Variants in ROBO2 observed in about 807,000 individuals in gnomAD.
The protein encoded by ROBO2 is roundabout guidance receptor 2.
Under a neutral mutation model 160.8 loss-of-function variants are expected in ROBO2, and 53 were observed. The ratio of observed to expected loss-of-function variants is 0.33; its 90% CI spans 0.26 to 0.41. ROBO2 has a LOEUF of 0.41. Ranked by LOEUF, ROBO2 falls within the 10% of genes least tolerant of loss-of-function variation. The pLI is 1.00. For synonymous variants in ROBO2, 664 were observed against 611.7 expected (o/e 1.09, Z -1.26); for missense variants, 1,577 against 1,722.4 (o/e 0.92, Z 1.49).
intron 2 of ROBO2, among the ~76,000 whole-genome samples, chr3:76,167,717 T>C (rs2072890686): frequency 6.6e-6 from 1 of 152,222 alleles, no homozygotes; most frequent in African/African-American, 2.4e-5. Context: ...TACCTAAAGA[T>C]AATTAAATTT....
At chr3:76,333,086 C>T (rs1184330571) in intron 2 of ROBO2, among the ~76,000 whole-genome samples, 1 of 152,150 alleles carries the variant, frequency 6.6e-6, no homozygotes, top group Non-Finnish European at 1.5e-5. Flanking sequence ...TTGAGAACGC[C>T]TAGTATATGT....
chr3:75,933,894 C>A (rs757058671), intron 1 of ROBO2, among the ~76,000 whole-genome samples: 2 of 152,116 alleles, frequency 1.3e-5, no homozygotes, highest in Non-Finnish European at 1.5e-5. Context: ...GACTACCCTT[C>A]CTGGTTGGTA....
rs201647387 is a variant in ROBO2, at chr3:76,752,437, CAA to C, written c.110-345566_110-345565del. ...GTACCCTAGAACATAAAGTATAAAA[CAA>C]AAAAAAAAAAGAAAAAAAATGATGG... On this transcript the variant is annotated intron_variant, in intron 2 of 26. Coordinates refer to the ROBO2 transcript ENST00000487694. Among the ~76,000 whole-genome samples, 979 of 125,658 alleles carry C rather than the reference CAA, an allele frequency of 7.8e-3. 6 individuals carry two copies. Among genetic ancestry groups the C allele is most frequent in the Middle Eastern group, 0.028 (7 of 250 alleles). The allele number at this position is 125,658 out of a possible 152,430, so 82.4% of individuals were successfully genotyped here. A position where few individuals can be genotyped will look rare whatever the true frequency, so the allele number is the denominator to read the frequency against.
chr3:77,535,011 A>G (rs1451970613), intron 6 of ROBO2, among the ~76,000 whole-genome samples: 2 of 152,312 alleles, frequency 1.3e-5, no homozygotes, highest in East Asian at 3.9e-4. Context: ...TAACAGGCCA[A>G]TCACATATTC....
In ROBO2 at chr3:76,021,905, C is replaced by T. The variant is rs137903246; in HGVS notation, c.109+84303C>T. ...TGCCACATTGGTTGACTTTTCCTTT[C>T]GTGAAAGATTTTTTTTTTTTTTTGG... On this transcript the variant is annotated intron_variant, in intron 2 of 26. Coordinates refer to the ROBO2 transcript ENST00000487694. Among the ~76,000 whole-genome samples, 445 of 149,204 alleles carry T rather than the reference C, an allele frequency of 3.0e-3. 1 individual carries two copies. The highest frequency in any genetic ancestry group is 5.3e-3 in the Non-Finnish European group (357 of 67,466).
chr3:76,367,935 A>G (rs1488709021), intron 2 of ROBO2, among the ~76,000 whole-genome samples: 1 of 151,762 alleles, frequency 6.6e-6, no homozygotes, highest in African/African-American at 2.4e-5. Context: ...ATAAAGAAAC[A>G]TTACTTAAAA....
intron 13 of ROBO2, among the ~76,000 whole-genome samples, chr3:77,569,180 T>G (rs2093574139): frequency 6.6e-6 from 1 of 152,060 alleles, no homozygotes; most frequent in African/African-American, 2.4e-5. Flanking sequence ...CTACAAATTG[T>G]TCAGTAATAT....
intron 5 of ROBO2, among the ~76,000 whole-genome samples, chr3:77,494,658 TC>T (rs1372149931): frequency 9.2e-5 from 14 of 152,214 alleles, no homozygotes; most frequent in African/African-American, 3.4e-4. Flanking sequence ...CCATGCTTCC[TC>T]CGAAGCTGTA....
At chr3:76,376,184 A>T (rs1209945388) in intron 2 of ROBO2, among the ~76,000 whole-genome samples, 1 of 152,088 alleles carries the variant, frequency 6.6e-6, no homozygotes, top group Admixed American at 6.6e-5. Context: ...TAATGAGCCT[A>T]CTTTATTGTT....
intron 2 of ROBO2, among the ~76,000 whole-genome samples, chr3:76,527,488 T>A (rs2107997204): frequency 6.6e-6 from 1 of 152,302 alleles, no homozygotes; most frequent in Admixed American, 6.5e-5. Flanking sequence ...CTTTCTAATT[T>A]ATTCTTTTCA....
chr3:76,645,286 G>A lies in ROBO2; in HGVS notation c.110-452728G>A, dbSNP rs76631285. On this transcript the variant is annotated intron_variant, in intron 2 of 26. Transcript: ENST00000487694. ...CTTGTACTTCCCATAGTGCTTCTTT[G>A]TAGAATCCTATTCTAACCTATTTTA... Among the ~76,000 whole-genome samples, 1,313 of 152,240 alleles carry A rather than the reference G, an allele frequency of 8.6e-3. 14 individuals carry two copies. The highest frequency in any genetic ancestry group is 0.03 in the African/African-American group (1,238 of 41,554).
intron 2 of ROBO2, among the ~76,000 whole-genome samples, chr3:75,947,986 A>T (rs1948383101): frequency 6.6e-6 from 1 of 152,056 alleles, no homozygotes; most frequent in Admixed American, 6.6e-5. Flanking sequence ...ATCACATCTG[A>T]TGGGAAAAAA....
intron 2 of ROBO2, among the ~76,000 whole-genome samples, chr3:76,175,443 G>C (rs528383508): frequency 6.6e-6 from 1 of 151,928 alleles, no homozygotes; most frequent in African/African-American, 2.4e-5. Context: ...TAGTCTGAAC[G>C]TTGATTGAGA....
intron 2 of ROBO2, among the ~76,000 whole-genome samples, chr3:76,735,230 T>C (rs1305421732): frequency 6.6e-6 from 1 of 152,224 alleles, no homozygotes; most frequent in African/African-American, 2.4e-5. Context: ...ATATGGTACA[T>C]GTGCCCCATG....
intron 2 of ROBO2, among the ~76,000 whole-genome samples, chr3:77,100,360 T>C (rs2071741452): frequency 6.6e-6 from 1 of 152,156 alleles, no homozygotes; most frequent in South Asian, 2.1e-4. Flanking sequence ...TCAAATAATA[T>C]TCATTTATAT....
At chr3:77,515,715 T>C (rs1208284352) in intron 5 of ROBO2, among the ~76,000 whole-genome samples, 2 of 151,708 alleles carry the variant, frequency 1.3e-5, no homozygotes, top group Non-Finnish European at 3.0e-5. Context: ...TGAATGCCTA[T>C]ATTGTCCCTT....
intron 2 of ROBO2, among the ~76,000 whole-genome samples, chr3:76,209,410 A>G (rs1000925460): frequency 5.9e-5 from 9 of 152,198 alleles, no homozygotes; most frequent in Admixed American, 3.3e-4. Flanking sequence ...AAAATATAAG[A>G]TTCTCTTTAG....
chr3:77,589,375 A>T (rs2094129657), intron 17 of ROBO2, among the ~76,000 whole-genome samples: 1 of 152,104 alleles, frequency 6.6e-6, no homozygotes, highest in Admixed American at 6.6e-5. Context: ...TGCAGATTAC[A>T]ATAGGAAATG....
intron 2 of ROBO2, among the ~76,000 whole-genome samples, chr3:76,107,339 G>A (rs1020292521): frequency 2.0e-5 from 3 of 152,018 alleles, no homozygotes; most frequent in Non-Finnish European, 4.4e-5. Flanking sequence ...CCTCTAGACT[G>A]TACCATAGGG....
Sources: allele counts gnomAD v4.1 joint callset (sites outside exome capture counted in the v4.1 genomes callset), GRCh38; gene constraint gnomAD v4.1.1; transcripts MANE v1.5; gene names NCBI Gene and HGNC (gene_info 2026-07-23, HGNC 2026-07-21).